FAM124A: variants seen among roughly 807,000 people sequenced by gnomAD.
The protein encoded by FAM124A is protein FAM124A.
FAM124A carries 23 observed loss-of-function variants against 24.5 expected under a neutral mutation model. That is an observed-to-expected ratio of 0.94 (90% CI 0.68 to 1.33). FAM124A has a LOEUF of 1.33. Ranked by LOEUF, FAM124A falls within the 40% of genes most tolerant of loss-of-function variation. The pLI is 0.00. For missense variants in FAM124A, 623 were observed against 722.8 expected, an observed-to-expected ratio of 0.86 and a Z score of 1.58; for synonymous variants, 287 against 314.7, an observed-to-expected ratio of 0.91 and a Z score of 0.93.
In FAM124A at chr13:51,222,578, C is replaced by CGCCGG. The variant is rs932366852; in HGVS notation, c.68+19_68+23dup. 128 of 1,224,232 alleles carry CGCCGG rather than the reference C, an allele frequency of 1.0e-4. 1 individual carries two copies. In the African/African-American group the frequency reaches 2.0e-3, roughly 19 times the overall value. The allele number at this position is 1,224,232 out of a possible 1,614,324, so 75.8% of individuals were successfully genotyped here. A position where few individuals can be genotyped will look rare whatever the true frequency, so the allele number is the denominator to read the frequency against. The stretch of plus-strand genomic sequence containing the variant: ...GGCGCCGAGACCGGAGGGTGAGCCG[C>CGCCGG]GCCGGGCCGGGCCGCGGGCGGGGGG... On this transcript the variant is annotated intron_variant, in intron 1 of 3. Coordinates refer to ENST00000322475, the MANE Select transcript of FAM124A (RefSeq NM_001242312.2).
chr13:51,278,189 G>C (rs1322267800), intron 3 of FAM124A, among the ~76,000 whole-genome samples: 1 of 152,218 alleles, frequency 6.6e-6, no homozygotes, highest in African/African-American at 2.4e-5. Flanking sequence ...CAGCCTCCAA[G>C]AGCTGAAAGC....
intron 3 of FAM124A, among the ~76,000 whole-genome samples, chr13:51,262,286 A>C (rs1954745304): frequency 1.3e-5 from 2 of 152,156 alleles, no homozygotes; most frequent in Admixed American, 6.5e-5. Context: ...ATTTTGTGTT[A>C]GCTTCTATTT....
intron 2 of FAM124A, among the ~76,000 whole-genome samples, chr13:51,241,844 G>A (rs571481667): frequency 1.6e-4 from 25 of 152,088 alleles, no homozygotes; most frequent in Non-Finnish European, 3.4e-4. Flanking sequence ...CATCTACTGC[G>A]TTCAGGACGT....
At chr13:51,244,098 C>G (rs1162511129) in intron 2 of FAM124A, among the ~76,000 whole-genome samples, 1 of 152,240 alleles carries the variant, frequency 6.6e-6, no homozygotes, top group Non-Finnish European at 1.5e-5. Context: ...GCTGGAGGTG[C>G]CCTCCTTCAC....
intron 3 of FAM124A, among the ~76,000 whole-genome samples, chr13:51,274,600 T>G (rs1282085465): frequency 6.6e-6 from 1 of 152,206 alleles, no homozygotes; most frequent in African/African-American, 2.4e-5. Context: ...AACTTTTTTC[T>G]GTTAAAATCA....
chr13:51,239,605 A>G (rs758516175), intron 2 of FAM124A, among the ~76,000 whole-genome samples: 4 of 152,194 alleles, frequency 2.6e-5, no homozygotes, highest in Non-Finnish European at 5.9e-5. Flanking sequence ...TGTAAACAGC[A>G]TTGCCAAAAA....
chr13:51,243,795 G>A (rs768718421), intron 2 of FAM124A, among the ~76,000 whole-genome samples: 7 of 152,122 alleles, frequency 4.6e-5, no homozygotes, highest in South Asian at 2.1e-4. Flanking sequence ...CTCGATCTCC[G>A]AAAATGCTGG....
chr13:51,249,290 C>G (rs1954596221), intron 2 of FAM124A, among the ~76,000 whole-genome samples: 1 of 152,150 alleles, frequency 6.6e-6, no homozygotes, highest in Admixed American at 6.5e-5. Context: ...TGGAATTGCT[C>G]TATGCTCATA....
At chr13:51,271,265 GT>G (rs1954838007) in intron 3 of FAM124A, among the ~76,000 whole-genome samples, 1 of 152,204 alleles carries the variant, frequency 6.6e-6, no homozygotes. Context: ...ACAGGGCACA[GT>G]TTTTCTAGGT....
intron 3 of FAM124A, among the ~76,000 whole-genome samples, chr13:51,262,152 T>G (rs1954744270): frequency 6.6e-6 from 1 of 152,174 alleles, no homozygotes; most frequent in Non-Finnish European, 1.5e-5. Context: ...GACCAAATCT[T>G]CAAAAAGCAG....
At chr13:51,234,871 G>A (rs1051339548) in intron 2 of FAM124A, among the ~76,000 whole-genome samples, 6 of 152,190 alleles carry the variant, frequency 3.9e-5, no homozygotes, top group African/African-American at 1.4e-4. Context: ...TAGAGAGACT[G>A]TGGTGAGAGG....
At chr13:51,247,777 A>G (rs1254537063) in intron 2 of FAM124A, among the ~76,000 whole-genome samples, 1 of 152,200 alleles carries the variant, frequency 6.6e-6, no homozygotes, top group Non-Finnish European at 1.5e-5. Context: ...AGAAAAGTGA[A>G]ATCCATTTAG....
At position 51,272,564 on chromosome 13, in the gene FAM124A, T is replaced by TATACAC. The variant is rs1555275490; in HGVS notation, c.835-7884_835-7879dup. Among the ~76,000 whole-genome samples, 3 of 74,070 alleles carry TATACAC rather than the reference T, an allele frequency of 4.1e-5. No homozygotes were observed. Among genetic ancestry groups the TATACAC allele is most frequent in the African/African-American group, 2.0e-4 (3 of 14,756 alleles). The allele number at this position is 74,070 out of a possible 152,430, so 48.6% of individuals were successfully genotyped here. ...CCACCTATTTTTGTAAATAAAGCCT[T>TATACAC]ATACACACACACACACACACACACA... is the stretch of plus-strand genomic sequence containing the variant. On this transcript the variant is annotated intron_variant, in intron 3 of 3. Coordinates refer to ENST00000322475, the MANE Select transcript of FAM124A (RefSeq NM_001242312.2). This position sits in a 1 kb window ranked among gnomAD's most constrained non-coding sequence, Gnocchi z 4.2.
intron 3 of FAM124A, among the ~76,000 whole-genome samples, chr13:51,266,513 T>C (rs1167080995): frequency 2.0e-5 from 3 of 152,146 alleles, no homozygotes; most frequent in Admixed American, 2.0e-4. Flanking sequence ...TTTTAGAAGG[T>C]GATGGGACCC....
In FAM124A at chr13:51,283,025, C is replaced by G. The variant is rs1954955084; in HGVS notation, c.*1769C>G. 6.6e-6 allele frequency: 1 copy of G among 151,940 alleles called. No individual in the cohort carries two copies. The highest frequency in any genetic ancestry group is 1.5e-5 in the Non-Finnish European group (1 of 67,984). 9.4% of individuals were successfully genotyped at this position (151,940 alleles called of 1,614,324 possible). On this transcript the variant is annotated 3_prime_UTR_variant, in exon 4 of 4. Coordinates refer to ENST00000322475, the MANE Select transcript of FAM124A (RefSeq NM_001242312.2). ...GTAATATGTTAATGAATGGGAATGG[C>G]TGAGTTCCAATAAAGCTTTATTTTT...
rs1314214717 is a variant in FAM124A, at chr13:51,281,115, T to A, written c.1500T>A (p.Ala500=). 6 of 1,613,924 alleles carry A rather than the reference T, an allele frequency of 3.7e-6. No individual in the cohort carries two copies. The highest frequency in any genetic ancestry group is 1.3e-5 in the African/African-American group (1 of 74,932). The change falls in exon 4 of 4, where the codon GCT becomes GCA. Residue 500 remains alanine, a synonymous_variant. Coordinates refer to ENST00000322475, the MANE Select transcript of FAM124A (RefSeq NM_001242312.2). ...CGACAGCTCGTGCTGCTCCCCCAGCTCCCAGCACCTCCACCCTCACAGACT... is the reference window on the plus strand; with the variant it reads ...CGACAGCTCGTGCTGCTCCCCCAGCACCCAGCACCTCCACCCTCACAGACT... ...SSATARAAPP[A]PSTSTLTDSS...
intron 2 of FAM124A, among the ~76,000 whole-genome samples, chr13:51,248,594 G>C (rs1954588425): frequency 6.6e-6 from 1 of 152,232 alleles, no homozygotes; most frequent in Non-Finnish European, 1.5e-5. Context: ...GGCTCAGCTA[G>C]AGTGGGTCTG....
chr13:51,273,818 G>A (rs150871202), intron 3 of FAM124A, among the ~76,000 whole-genome samples: 32 of 152,088 alleles, frequency 2.1e-4, no homozygotes, highest in African/African-American at 7.7e-4. Context: ...ACTATGTCAC[G>A]GGATATTTCT....
intron 3 of FAM124A, among the ~76,000 whole-genome samples, chr13:51,265,989 A>G (rs1954781528): frequency 6.6e-6 from 1 of 152,260 alleles, no homozygotes; most frequent in Admixed American, 6.5e-5. Context: ...ATATATACTC[A>G]TACATATATG....
Sources: gnomAD v4.1 joint callset for allele counts (sites outside exome capture counted in the v4.1 genomes callset) on GRCh38, gnomAD v4.1.1 for gene constraint, Gnocchi (gnomAD v3.1) non-coding constraint, MANE v1.5 for transcripts, NCBI Gene and HGNC (gene_info 2026-07-23, HGNC 2026-07-21) for gene names.